The following ITPR2 variants were observed in gnomAD, a reference collection of about 807,000 sequenced individuals.
ITPR2 encodes inositol 1,4,5-trisphosphate-gated calcium channel ITPR2.
In ITPR2, 207 loss-of-function variants were observed where a neutral mutation model predicts 317.1. The observed-to-expected ratio is 0.65, with a 90% CI of 0.58 to 0.73. ITPR2 has a LOEUF of 0.73. ITPR2 is among the 30% of genes least tolerant of loss of function. The probability of loss-of-function intolerance (pLI) is 0.00; values close to 1 mark genes in which losing one functional copy is unlikely to be tolerated. For synonymous variants in ITPR2, 1,156 were observed against 1,149.1 expected, an observed-to-expected ratio of 1.01 and a Z score of -0.12; for missense variants, 2,613 against 3,284.0, an observed-to-expected ratio of 0.80 and a Z score of 4.99.
At chr12:26,636,699 A>G (rs1008230529) in intron 21 of ITPR2, among the ~76,000 whole-genome samples, 4 of 152,220 alleles carry the variant, frequency 2.6e-5, no homozygotes, top group Admixed American at 6.5e-5. Context: ...ATAGATACCA[A>G]TGAGATAAGG....
chr12:26,346,524 G>A (rs558885504), intron 55 of ITPR2, among the ~76,000 whole-genome samples: 11 of 152,168 alleles, frequency 7.2e-5, no homozygotes, highest in African/African-American at 2.4e-4. Context: ...TCGAGAAGCT[G>A]AGGCAGGAGA....
chr12:26,538,855 G>C (rs545704174), intron 37 of ITPR2, among the ~76,000 whole-genome samples: 1 of 152,148 alleles, frequency 6.6e-6, no homozygotes. Flanking sequence ...GATTACAGGC[G>C]TGAGCCACTG....
chr12:26,590,066 T>C (rs1369415669), intron 32 of ITPR2, among the ~76,000 whole-genome samples: 1 of 151,464 alleles, frequency 6.6e-6, no homozygotes, highest in African/African-American at 2.4e-5. Context: ...CTGAAAGACA[T>C]GGAGAAAATG....
At chr12:26,585,504 A>C (rs535471490) in intron 32 of ITPR2, among the ~76,000 whole-genome samples, 10 of 152,274 alleles carry the variant, frequency 6.6e-5, no homozygotes, top group South Asian at 2.1e-4. Flanking sequence ...TCCCAGGTTT[A>C]AGGGATCCTC....
At chr12:26,616,679 A>G (rs1946380912) in intron 26 of ITPR2, among the ~76,000 whole-genome samples, 1 of 152,198 alleles carries the variant, frequency 6.6e-6, no homozygotes, top group Non-Finnish European at 1.5e-5. Context: ...CAGAATCTCA[A>G]CAAACCCAAA....
At chr12:26,444,269 T>A (rs930313388) in intron 45 of ITPR2, among the ~76,000 whole-genome samples, 1 of 152,174 alleles carries the variant, frequency 6.6e-6, no homozygotes, top group Non-Finnish European at 1.5e-5. Flanking sequence ...CCCATTTGAA[T>A]GTCTACAGCA....
At chr12:26,730,791 T>G (rs1014456518) in intron 2 of ITPR2, among the ~76,000 whole-genome samples, 2 of 152,212 alleles carry the variant, frequency 1.3e-5, no homozygotes, top group Admixed American at 1.3e-4. Context: ...GCCTGCTTAC[T>G]TACAAATGCT....
In ITPR2 at chr12:26,724,679, C is replaced by A; in HGVS notation, c.343G>T (p.Val115Leu). The A allele has an allele frequency of 6.3e-7, 1 of 1,596,902 alleles. No homozygotes were observed. Among genetic ancestry groups the A allele is most frequent in the Non-Finnish European group, 8.6e-7 (1 of 1,166,392 alleles). Reference sequence around the variant, plus strand: ...ACTTGTATAACATTACTGTATTTTACAATTTCTCCCAACAGTTTCTTATTC... The same window carrying A: ...ACTTGTATAACATTACTGTATTTTAAAATTTCTCCCAACAGTTTCTTATTC... ...SENKKLLGEIVKYSNVIQLLH... is the reference protein window; with the variant it reads ...SENKKLLGEILKYSNVIQLLH... The change falls in exon 4 of 57, where the codon GTA becomes TTA. Residue 115 changes from valine (V) to leucine (L), a missense_variant. By Grantham distance (32) the Val-to-Leu change is conservative. Coordinates refer to ENST00000381340, the MANE Select transcript of ITPR2 (RefSeq NM_002223.4).
intron 9 of ITPR2, among the ~76,000 whole-genome samples, chr12:26,698,016 T>C (rs1425709767): frequency 2.0e-5 from 3 of 151,542 alleles, no homozygotes; most frequent in African/African-American, 4.9e-5. Flanking sequence ...TATCCAGAAA[T>C]GATAATTAGA....
intron 55 of ITPR2, among the ~76,000 whole-genome samples, chr12:26,385,914 G>A (rs1939652270): frequency 6.6e-6 from 1 of 151,884 alleles, no homozygotes; most frequent in African/African-American, 2.4e-5. Context: ...TCTACTTTGG[G>A]TTTGTTATTC....
chr12:26,782,577 C>A (rs1231572908), intron 2 of ITPR2, among the ~76,000 whole-genome samples: 1 of 152,174 alleles, frequency 6.6e-6, no homozygotes, highest in East Asian at 1.9e-4. Context: ...TGGTTAAAAA[C>A]AAACAGCTCT....
chr12:26,512,620 T>C (rs1176347896), intron 37 of ITPR2, among the ~76,000 whole-genome samples: 1 of 152,186 alleles, frequency 6.6e-6, no homozygotes, highest in Non-Finnish European at 1.5e-5. Flanking sequence ...ATCTTACACA[T>C]ATTGATTGAT....
At chr12:26,691,703 T>C (rs897944243) in intron 10 of ITPR2, among the ~76,000 whole-genome samples, 3 of 152,172 alleles carry the variant, frequency 2.0e-5, no homozygotes, top group African/African-American at 7.2e-5. Flanking sequence ...CCTTCTCTGC[T>C]GACTCATTTG....
chr12:26,640,860 G>A lies in ITPR2; in HGVS notation c.2741-8801C>T, dbSNP rs146881507. Among the ~76,000 whole-genome samples, 443 of 152,298 alleles carry A rather than the reference G, an allele frequency of 2.9e-3. 4 individuals are homozygous for A. Among genetic ancestry groups the A allele is most frequent in the African/African-American group, 0.01 (428 of 41,580 alleles). ...GAAAGTATATCTGAGATACTCATAT[G>A]AGTAGCTCACAGAAAGGTGTCGAAG... is the stretch of plus-strand genomic sequence containing the variant. On this transcript the variant is annotated intron_variant, in intron 21 of 56. Coordinates refer to ENST00000381340, the MANE Select transcript of ITPR2 (RefSeq NM_002223.4).
chr12:26,531,817 T>A (rs1943954136), intron 37 of ITPR2, among the ~76,000 whole-genome samples: 3 of 152,208 alleles, frequency 2.0e-5, no homozygotes. Context: ...GATTTAGATA[T>A]GGAATAGATA....
intron 1 of ITPR2, among the ~76,000 whole-genome samples, chr12:26,818,093 T>C (rs1246299890): frequency 6.6e-6 from 1 of 152,260 alleles, no homozygotes; most frequent in Non-Finnish European, 1.5e-5. Context: ...CAATTAAATA[T>C]GTTTAAAACT....
At chr12:26,350,804 G>A (rs923960371) in intron 55 of ITPR2, among the ~76,000 whole-genome samples, 2 of 152,052 alleles carry the variant, frequency 1.3e-5, no homozygotes, top group Non-Finnish European at 2.9e-5. Flanking sequence ...GCTGCATAAA[G>A]AAGTGCAATT....
intron 26 of ITPR2, among the ~76,000 whole-genome samples, chr12:26,613,607 A>ATC (rs752665443): frequency 1.5e-4 from 23 of 151,926 alleles, no homozygotes; most frequent in Non-Finnish European, 2.9e-4. Flanking sequence ...AGGAAACAAA[A>ATC]TCCAGATCCC....
chr12:26,393,894 T>C (rs1244399522), intron 54 of ITPR2, among the ~76,000 whole-genome samples: 1 of 152,232 alleles, frequency 6.6e-6, no homozygotes, highest in Non-Finnish European at 1.5e-5. Flanking sequence ...CTGCCTTTTG[T>C]AGATTATAAG....
Sources: gnomAD v4.1 joint callset for allele counts (sites outside exome capture counted in the v4.1 genomes callset) on GRCh38, gnomAD v4.1.1 for gene constraint, MANE v1.5 for transcripts, NCBI Gene and HGNC (gene_info 2026-07-23, HGNC 2026-07-21) for gene names.